Variants in HHAT observed in about 807,000 individuals in gnomAD.
The protein encoded by HHAT is protein-cysteine N-palmitoyltransferase HHAT.
Under a neutral mutation model 70.8 loss-of-function variants are expected in HHAT, and 47 were observed. The ratio of observed to expected loss-of-function variants is 0.66; its 90% CI spans 0.53 to 0.85. The LOEUF is 0.85. Among genes scored for constraint, HHAT ranks in the 40% least tolerant of loss-of-function variants. The probability of loss-of-function intolerance (pLI) is 0.00; values close to 1 mark genes in which losing one functional copy is unlikely to be tolerated. For synonymous variants in HHAT, 228 were observed against 247.6 expected (o/e 0.92, Z 0.74); for missense variants, 609 against 604.8 (o/e 1.01, Z -0.07).
intron 11 of HHAT, among the ~76,000 whole-genome samples, chr1:210,668,568 G>T (rs1679420020): frequency 6.6e-6 from 1 of 152,106 alleles, no homozygotes; most frequent in South Asian, 2.1e-4. Flanking sequence ...TACCATGATT[G>T]TGAGGCCTCC....
chr1:210,424,291 G>T (rs1395218095), intron 7 of HHAT, among the ~76,000 whole-genome samples: 2 of 152,050 alleles, frequency 1.3e-5, no homozygotes, highest in Non-Finnish European at 2.9e-5. Context: ...TTAGCTATTA[G>T]AAATGGGATT....
At position 210,402,712 on chromosome 1, in the gene HHAT, C is replaced by T. The variant is rs184756126; in HGVS notation, c.469-1752C>T. 8.4e-4 allele frequency among the ~76,000 whole-genome samples: 128 copies of T among 152,304 alleles called. 5 individuals carry two copies. The highest frequency in any genetic ancestry group is 8.4e-3 in the Admixed American group (128 of 15,296). ...TCTAACCCCCTAGGATCTCCATAGG[C>T]ACATTCAAAATCTTGGGCAGTGTTG... On this transcript the variant is annotated intron_variant, in intron 5 of 11. Coordinates refer to ENST00000261458, the MANE Select transcript of HHAT (RefSeq NM_018194.6).
chr1:210,589,381 G>T (rs1179602625), intron 10 of HHAT: 1 of 152,198 alleles, frequency 6.6e-6, no homozygotes, highest in African/African-American at 2.4e-5. Context: ...GGAAAGAAAT[G>T]CCAGTGGATT....
chr1:210,514,559 G>T (rs561623407), intron 9 of HHAT, among the ~76,000 whole-genome samples: 1 of 152,266 alleles, frequency 6.6e-6, no homozygotes, highest in Admixed American at 6.5e-5. Context: ...ATGCAAGTTT[G>T]TACTCTTCTT....
intron 11 of HHAT, among the ~76,000 whole-genome samples, chr1:210,634,642 C>T (rs1671520872): frequency 6.6e-6 from 1 of 152,218 alleles, no homozygotes; most frequent in African/African-American, 2.4e-5. Flanking sequence ...TAAGTTTTAA[C>T]TTAACAAAAT....
chr1:210,639,718 T>C (rs887252981), intron 11 of HHAT, among the ~76,000 whole-genome samples: 2 of 152,222 alleles, frequency 1.3e-5, no homozygotes, highest in African/African-American at 4.8e-5. Context: ...TTGAGTGATT[T>C]CAAGGTTGAC....
At chr1:210,385,340 A>G (rs551138615) in intron 3 of HHAT, among the ~76,000 whole-genome samples, 57 of 144,330 alleles carry the variant, frequency 3.9e-4, no homozygotes, top group African/African-American at 1.3e-3. Flanking sequence ...TAAAAGTGGT[A>G]TTTTACTAGC....
chr1:210,476,730 A>G (rs2094311986), intron 8 of HHAT, among the ~76,000 whole-genome samples: 1 of 152,188 alleles, frequency 6.6e-6, no homozygotes, highest in Non-Finnish European at 1.5e-5. Flanking sequence ...ATTTAGCAAG[A>G]GCCTTGCATT....
chr1:210,521,828 A>C (rs1307026108), intron 9 of HHAT, among the ~76,000 whole-genome samples: 1 of 152,166 alleles, frequency 6.6e-6, no homozygotes, highest in East Asian at 1.9e-4. Flanking sequence ...CTGCACTGGA[A>C]ACAGAAGTTA....
chr1:210,470,312 C>G lies in HHAT; in HGVS notation c.1007+5657C>G, dbSNP rs145381316. Reference sequence around the variant, plus strand: ...CTGCCCCAGTATGACCTCTCCCTCACTGCTCACAGAGCTCTTATTCGTTCA... The same window carrying G: ...CTGCCCCAGTATGACCTCTCCCTCAGTGCTCACAGAGCTCTTATTCGTTCA... On this transcript the variant is annotated intron_variant, in intron 8 of 11. Coordinates refer to ENST00000261458, the MANE Select transcript of HHAT (RefSeq NM_018194.6). Among the ~76,000 whole-genome samples the G allele has an allele frequency of 1.1e-3, 161 of 152,314 alleles. 1 individual carries two copies. The highest frequency in any genetic ancestry group is 3.8e-3 in the African/African-American group (158 of 41,566).
At chr1:210,408,707 A>C (rs2092425163) in intron 6 of HHAT, among the ~76,000 whole-genome samples, 1 of 152,146 alleles carries the variant, frequency 6.6e-6, no homozygotes, top group Admixed American at 6.6e-5. Context: ...GCAGTCCAAG[A>C]GTTGCTGGGA....
At chr1:210,428,743 A>G (rs2148315936) in intron 7 of HHAT, among the ~76,000 whole-genome samples, 1 of 151,876 alleles carries the variant, frequency 6.6e-6, no homozygotes, top group Non-Finnish European at 1.5e-5. Context: ...TTGGAAGGCT[A>G]AGGCGAGTGG....
At chr1:210,360,304 G>GTTTTTTTT (rs398053777) in intron 2 of HHAT, among the ~76,000 whole-genome samples, 6 of 138,174 alleles carry the variant, frequency 4.3e-5, no homozygotes, top group African/African-American at 1.6e-4. Context: ...TTGTTTTTGT[G>GTTTTTTTT]TTTTTTTTTT....
At chr1:210,466,221 G>T (rs2094106317) in intron 8 of HHAT, among the ~76,000 whole-genome samples, 1 of 152,214 alleles carries the variant, frequency 6.6e-6, no homozygotes, top group Non-Finnish European at 1.5e-5. Flanking sequence ...GTTTCTTTTT[G>T]AAAGAAACCC....
intron 7 of HHAT, among the ~76,000 whole-genome samples, chr1:210,436,374 A>G (rs2093375202): frequency 6.6e-6 from 1 of 151,078 alleles, no homozygotes; most frequent in Non-Finnish European, 1.5e-5. Context: ...GTAGCTTTGC[A>G]GTATATTTTG....
chr1:210,418,192 G>A lies in HHAT; in HGVS notation c.723G>A (p.Leu241=), dbSNP rs2092782083. The change falls in exon 7 of 12, where the codon CTG becomes CTA. Residue 241 remains leucine (L), a synonymous_variant. Transcript: ENST00000261458. ...AGCATGACTCCCTGAAGGCCAGCCT[G>A]TGTGTCCTGGCCCTGGGGCTGGGCC... ...QQEHDSLKAS[L]CVLALGLGRL... is the part of the protein sequence containing the mutation. 1 of 1,614,036 alleles carries A rather than the reference G, an allele frequency of 6.2e-7. No individual in the cohort carries two copies. The highest frequency in any genetic ancestry group is 1.7e-5 in the Admixed American group (1 of 60,000).
rs142209192 is a variant in HHAT at position 210,640,701 on chromosome 1, CTAA to C, written c.1390+17033_1390+17035del. Reference sequence around the variant, plus strand: ...CCCCCCACACACGCACCCCTTTAGGCTAATGTTAGCCAGCTTTGTTATTTGGGA... The same window carrying C: ...CCCCCCACACACGCACCCCTTTAGGCTGTTAGCCAGCTTTGTTATTTGGGA... On this transcript the variant is annotated intron_variant, in intron 11 of 11. Coordinates refer to ENST00000261458, the MANE Select transcript of HHAT (RefSeq NM_018194.6). Among the ~76,000 whole-genome samples, 336 of 150,082 alleles carry C rather than the reference CTAA, an allele frequency of 2.2e-3. 1 individual carries two copies. The highest frequency in any genetic ancestry group is 8.0e-3 in the African/African-American group (326 of 40,950).
intron 7 of HHAT, among the ~76,000 whole-genome samples, chr1:210,454,312 G>C (rs968048260): frequency 6.6e-6 from 1 of 152,102 alleles, no homozygotes; most frequent in African/African-American, 2.4e-5. Context: ...CCAGCACTTC[G>C]GGAGGCCGAG....
intron 9 of HHAT, among the ~76,000 whole-genome samples, chr1:210,526,941 G>C (rs1219310235): frequency 6.6e-6 from 1 of 152,102 alleles, no homozygotes; most frequent in East Asian, 1.9e-4. Context: ...GGGACACTAG[G>C]ATAATATTTT....
Sources: gnomAD v4.1 joint callset for allele counts (sites outside exome capture counted in the v4.1 genomes callset) on GRCh38, gnomAD v4.1.1 for gene constraint, MANE v1.5 for transcripts, NCBI Gene and HGNC (gene_info 2026-07-23, HGNC 2026-07-21) for gene names.